Variants in HS1BP3 observed in about 807,000 individuals in gnomAD.
HS1BP3 encodes the protein HCLS1 binding protein 3.
In HS1BP3, 32 loss-of-function variants were observed where a neutral mutation model predicts 33.5. The observed-to-expected ratio is 0.95, with a 90% CI of 0.72 to 1.28. The LOEUF is 1.28. HS1BP3 is among the 50% of genes most tolerant of loss of function. HS1BP3 has a pLI of 0.00. For missense variants in HS1BP3, 486 were observed against 502.3 expected, an observed-to-expected ratio of 0.97 and a Z score of 0.31; for synonymous variants, 187 against 209.2, an observed-to-expected ratio of 0.89 and a Z score of 0.92.
At chr2:20,565,385 A>G (rs1254422713) in intron 5 of HS1BP3, among the ~76,000 whole-genome samples, 3 of 152,056 alleles carry the variant, frequency 2.0e-5, no homozygotes, top group Non-Finnish European at 4.4e-5. Context: ...CCTCCTGTCC[A>G]CTTCCCACAC....
chr2:20,633,357 C>T (rs1027401796), intron 4 of HS1BP3, among the ~76,000 whole-genome samples: 24 of 152,206 alleles, frequency 1.6e-4, no homozygotes, highest in African/African-American at 5.5e-4. Flanking sequence ...AGGGGAAATC[C>T]TACTTCAGCC....
At chr2:20,576,501 A>T (rs756377125) in intron 5 of HS1BP3, among the ~76,000 whole-genome samples, 13 of 152,104 alleles carry the variant, frequency 8.5e-5, no homozygotes, top group Non-Finnish European at 1.5e-4. Flanking sequence ...GACCTCCCTG[A>T]GGCTCTAGTC....
At chr2:20,596,285 G>A (rs1693940701) in intron 3 of HS1BP3, among the ~76,000 whole-genome samples, 1 of 152,180 alleles carries the variant, frequency 6.6e-6, no homozygotes, top group Non-Finnish European at 1.5e-5. Context: ...CCTCCTCCAG[G>A]AAGCTTATTC....
chr2:20,628,558 C>T (rs977369593), intron 4 of HS1BP3, among the ~76,000 whole-genome samples: 3 of 151,944 alleles, frequency 2.0e-5, no homozygotes, highest in Admixed American at 2.0e-4. Context: ...TCGCTTGAAC[C>T]CCAGGGATGT....
chr2:20,564,277 A>G (rs1693071447), intron 5 of HS1BP3, among the ~76,000 whole-genome samples: 1 of 152,162 alleles, frequency 6.6e-6, no homozygotes, highest in African/African-American at 2.4e-5. Flanking sequence ...CAGGTGGTCT[A>G]CTGCAGGGTG....
chr2:20,554,451 G>A, the HS1BP3 span, among the ~76,000 whole-genome samples: 3 of 152,162 alleles, frequency 2.0e-5, no homozygotes, highest in East Asian at 3.8e-4. Flanking sequence ...GGCCAGGCGC[G>A]GTGGCTGATG....
intron 4 of HS1BP3, among the ~76,000 whole-genome samples, chr2:20,630,821 A>G (rs1014342954): frequency 6.6e-6 from 1 of 152,216 alleles, no homozygotes; most frequent in African/African-American, 2.4e-5. Flanking sequence ...AGAAGAGCCC[A>G]TGAAAATGCC....
chr2:20,639,965 G>T (rs7559305), intron 3 of HS1BP3: 28,911 of 152,232 alleles, frequency 0.19, 2,875 homozygotes, highest in African/African-American at 0.2. Context: ...ACAGGACACC[G>T]GGGCTGTGCA....
intron 2 of HS1BP3, among the ~76,000 whole-genome samples, chr2:20,609,021 T>A (rs1408590750): frequency 6.6e-6 from 1 of 152,198 alleles, no homozygotes; most frequent in Non-Finnish European, 1.5e-5. Flanking sequence ...TGAGCCCGCC[T>A]GGCTACAGGG....
At chr2:20,601,160 A>G (rs753698332) in intron 2 of HS1BP3, among the ~76,000 whole-genome samples, 3 of 152,228 alleles carry the variant, frequency 2.0e-5, no homozygotes, top group African/African-American at 4.8e-5. Context: ...AGATTCTACC[A>G]TATCACATAA....
intron 3 of HS1BP3, 105 bp downstream of exon 3, chr2:20,640,868 C>T: frequency 8.6e-7 from 1 of 1,164,028 alleles, no homozygotes; most frequent in Non-Finnish European, 1.3e-6. Context: ...GCTGAAGCCT[C>T]CAGGCTGCAG....
At chr2:20,576,280 C>T (rs1456087868) in intron 5 of HS1BP3, among the ~76,000 whole-genome samples, 1 of 152,158 alleles carries the variant, frequency 6.6e-6, no homozygotes, top group East Asian at 1.9e-4. Flanking sequence ...TTGCACCCGG[C>T]TATGTGAGGT....
At chr2:20,566,475 A>C (rs1156812089) in intron 5 of HS1BP3, among the ~76,000 whole-genome samples, 1 of 152,210 alleles carries the variant, frequency 6.6e-6, no homozygotes, top group Non-Finnish European at 1.5e-5. Context: ...CTGGTCAAGG[A>C]AGACAAGGAG....
At chr2:20,557,737 A>G (rs1692873977), downstream of HS1BP3, among the ~76,000 whole-genome samples, 1 of 152,198 alleles carries the variant, frequency 6.6e-6, no homozygotes, top group Admixed American at 6.5e-5. Context: ...TTTGTGATGG[A>G]TGCAGAGCTG....
chr2:20,599,535 C>T (rs1694022045), intron 2 of HS1BP3, among the ~76,000 whole-genome samples: 1 of 151,708 alleles, frequency 6.6e-6, no homozygotes, highest in South Asian at 2.1e-4. Flanking sequence ...GGACAGAGGT[C>T]AAAGGGGCTT....
chr2:20,619,767 G>A (rs899801144), intron 6 of HS1BP3, among the ~76,000 whole-genome samples: 1 of 152,238 alleles, frequency 6.6e-6, no homozygotes, highest in Non-Finnish European at 1.5e-5. Context: ...TGCCTTTGTT[G>A]GAAGGAACAG....
At chr2:20,626,669 C>T (rs1426680603) in intron 4 of HS1BP3, among the ~76,000 whole-genome samples, 2 of 152,162 alleles carry the variant, frequency 1.3e-5, no homozygotes, top group African/African-American at 4.8e-5. Flanking sequence ...GGCCCATCTG[C>T]CTGGTCCTGT....
At chr2:20,595,687 TGACATAAATGCAAATGA>T in intron 3 of HS1BP3, among the ~76,000 whole-genome samples, 1 of 152,274 alleles carries the variant, frequency 6.6e-6, no homozygotes, top group East Asian at 1.9e-4. Context: ...GACTCTTCCG[TGACATAAATGCAAATGA>T]GACCACAGAC....
rs564114854 is a variant in HS1BP3 at position 20,575,870 on chromosome 2, G to A, written c.303-15355C>T. Among the ~76,000 whole-genome samples, 2 of 152,270 alleles carry A rather than the reference G, an allele frequency of 1.3e-5. 1 individual carries two copies. Among genetic ancestry groups the A allele is most frequent in the South Asian group, 4.1e-4 (2 of 4,824 alleles). ...CCCTGATACCCACACATGAGGAGTT[G>A]CTTTTTAAAAGGTAGCTATTTATAA... On this transcript the variant is annotated intron_variant, in intron 5 of 5. Coordinates refer to the HS1BP3 transcript ENST00000446825.
Sources: gnomAD v4.1 joint callset for allele counts (sites outside exome capture counted in the v4.1 genomes callset) on GRCh38, gnomAD v4.1.1 for gene constraint, MANE v1.5 for transcripts, NCBI Gene and HGNC (gene_info 2026-07-23, HGNC 2026-07-21) for gene names.